The following ZC3H12B variants were observed in gnomAD, a reference collection of about 807,000 sequenced individuals.
The protein encoded by ZC3H12B is probable ribonuclease ZC3H12B.
ZC3H12B carries 7 observed loss-of-function variants against 43.9 expected under a neutral mutation model. The observed-to-expected ratio is 0.16, with a 90% confidence interval of 0.09 to 0.30. ZC3H12B has a LOEUF of 0.30. ZC3H12B is among the 10% of genes least tolerant of loss of function. ZC3H12B has a pLI of 1.00. For synonymous variants in ZC3H12B, 222 were observed against 241.7 expected, an observed-to-expected ratio of 0.92 and a Z score of 0.76; for missense variants, 475 against 670.2, an observed-to-expected ratio of 0.71 and a Z score of 3.22.
chrX:65,390,709 C>T (rs745831788), intron 2 of ZC3H12B, among the ~76,000 whole-genome samples: 204 of 108,180 alleles, frequency 1.9e-3, no homozygotes, highest in African/African-American at 6.5e-3. Flanking sequence ...ATAATCGGCA[C>T]TATGGATCAA....
At chrX:65,163,767 ACTGCACTCACTCTC>A in the ZC3H12B span, among the ~76,000 whole-genome samples, 2 of 111,166 alleles carry the variant, frequency 1.8e-5, no homozygotes, top group African/African-American at 6.6e-5. Flanking sequence ...CGCATGTTGC[ACTGCACTCACTCTC>A]CTGCACCCAC....
chrX:65,108,466 G>T, the ZC3H12B span, among the ~76,000 whole-genome samples: 3 of 108,235 alleles, frequency 2.8e-5, no homozygotes, highest in African/African-American at 1.0e-4. Context: ...ACACATTAGC[G>T]TAGGCCAACG....
the ZC3H12B span, among the ~76,000 whole-genome samples, chrX:65,067,014 C>T: frequency 9.0e-6 from 1 of 111,363 alleles, no homozygotes; most frequent in African/African-American, 3.3e-5. Context: ...TGTTCCAGGT[C>T]GACTTCAGAC....
chrX:65,389,831 T>C (rs2066587237), intron 2 of ZC3H12B, among the ~76,000 whole-genome samples: 1 of 112,491 alleles, frequency 8.9e-6, no homozygotes, highest in Non-Finnish European at 1.9e-5. Flanking sequence ...AGTTCAACCA[T>C]TGTGGAAGAC....
At position 65,422,956 on chromosome X, in the gene ZC3H12B, G is replaced by A; in HGVS notation, n.407+24252G>A. Among the ~76,000 whole-genome samples, 2 of 56,563 alleles carry A rather than the reference G, an allele frequency of 3.5e-5. 1 individual carries two copies. The highest frequency in any genetic ancestry group is 0.028 in the Middle Eastern group (2 of 72). 49.1% of individuals were successfully genotyped at this position (56,563 alleles called of 115,157 possible). ...TTTTTTTTTTTTTTTTTTTTGAGATGGATTCTCACTGTGTTGCCTAGGCTG... is the reference window on the plus strand; with the variant it reads ...TTTTTTTTTTTTTTTTTTTTGAGATAGATTCTCACTGTGTTGCCTAGGCTG... On this transcript the variant is annotated intron_variant and non_coding_transcript_variant, in intron 3 of 5. Transcript: ENST00000617377.
At position 65,380,807 on chromosome X, in the gene ZC3H12B, G is replaced by C. The variant is rs1306481698; in HGVS notation, n.295+11809G>C. 1.1e-4 allele frequency among the ~76,000 whole-genome samples: 12 copies of C among 111,444 alleles called. No individual in the cohort carries two copies. In the East Asian group the frequency reaches 3.4e-3, roughly 31 times the overall value. The stretch of plus-strand genomic sequence containing the variant: ...AACAAAGGCAGGGGTTGCAATCCTA[G>C]TCTCTGATAAAACAGACTTTAAACC... On this transcript the variant is annotated intron_variant and non_coding_transcript_variant, in intron 2 of 5. Coordinates refer to the ZC3H12B transcript ENST00000617377.
the ZC3H12B span, among the ~76,000 whole-genome samples, chrX:65,224,831 C>T: frequency 9.8e-5 from 11 of 111,965 alleles, no homozygotes; most frequent in Non-Finnish European, 1.5e-4. Flanking sequence ...GAAGGGTGCC[C>T]GCCATTGCCA....
the ZC3H12B span, among the ~76,000 whole-genome samples, chrX:65,212,318 A>G: frequency 9.3e-5 from 1 of 10,809 alleles, no homozygotes; most frequent in Non-Finnish European, 1.7e-4. Flanking sequence ...TATAATTATT[A>G]TATTTATATT....
chrX:65,225,670 A>C, the ZC3H12B span, among the ~76,000 whole-genome samples: 4 of 112,297 alleles, frequency 3.6e-5, no homozygotes, highest in Non-Finnish European at 7.5e-5. Flanking sequence ...CAATACAGAG[A>C]AGTCCTTAAA....
chrX:65,132,185 A>G, the ZC3H12B span, among the ~76,000 whole-genome samples: 1 of 111,660 alleles, frequency 9.0e-6, no homozygotes, highest in Non-Finnish European at 1.9e-5. Context: ...AGGACAAAAG[A>G]GTGTACGGGT....
chrX:65,458,064 AAAAAAAAAAAAAAAAAAAATT>A (rs1374258324), intron 3 of ZC3H12B, among the ~76,000 whole-genome samples: 3 of 76,298 alleles, frequency 3.9e-5, no homozygotes, highest in African/African-American at 7.3e-5. Flanking sequence ...ATGATCAATA[AAAAAAAAAAAAAAAAAAAATT>A]AAAAAAAAAA....
At chrX:65,129,825 G>A in the ZC3H12B span, among the ~76,000 whole-genome samples, 5 of 110,947 alleles carry the variant, frequency 4.5e-5, no homozygotes, top group East Asian at 2.8e-4. Context: ...GATTAGGGGC[G>A]GCATGGGAAC....
At chrX:65,299,259 GA>G in the ZC3H12B span, among the ~76,000 whole-genome samples, 1 of 111,905 alleles carries the variant, frequency 8.9e-6, no homozygotes, top group South Asian at 3.7e-4. Flanking sequence ...GATTTTGCAA[GA>G]GAAAGGAATA....
At chrX:65,360,435 T>A in the ZC3H12B span, among the ~76,000 whole-genome samples, 2 of 111,946 alleles carry the variant, frequency 1.8e-5, no homozygotes, top group African/African-American at 6.5e-5. Flanking sequence ...CAATAGCAAA[T>A]AAATGCAGGA....
the ZC3H12B span, among the ~76,000 whole-genome samples, chrX:65,100,983 T>A: frequency 1.8e-5 from 2 of 111,314 alleles, no homozygotes; most frequent in Admixed American, 9.6e-5. Flanking sequence ...AAAATCGACC[T>A]CATAGTTGGA....
chrX:65,077,260 C>A, the ZC3H12B span, among the ~76,000 whole-genome samples: 2 of 111,798 alleles, frequency 1.8e-5, no homozygotes, highest in Non-Finnish European at 3.8e-5. Context: ...CCTTATCCTG[C>A]AGGGGATGAG....
intron 3 of ZC3H12B, among the ~76,000 whole-genome samples, chrX:65,457,875 G>A (rs757749020): frequency 3.2e-5 from 2 of 63,242 alleles, no homozygotes; most frequent in South Asian, 8.5e-4. Context: ...CAGCATGCTC[G>A]TTAAGAGTCA....
intron 3 of ZC3H12B, among the ~76,000 whole-genome samples, chrX:65,456,701 C>T (rs1166548686): frequency 9.2e-6 from 1 of 108,822 alleles, no homozygotes; most frequent in Admixed American, 9.7e-5. Flanking sequence ...GCCTCGGCCT[C>T]CCGAGGCACC....
At chrX:65,236,836 T>C in the ZC3H12B span, among the ~76,000 whole-genome samples, 1 of 112,148 alleles carries the variant, frequency 8.9e-6, no homozygotes, top group African/African-American at 3.3e-5. Flanking sequence ...TCGTCAGGTT[T>C]GTCATAGATC....
Sources: allele counts gnomAD v4.1 joint callset (sites outside exome capture counted in the v4.1 genomes callset), GRCh38; gene constraint gnomAD v4.1.1; transcripts MANE v1.5; gene names NCBI Gene and HGNC (gene_info 2026-07-23, HGNC 2026-07-21).